CD300A: variants seen among roughly 807,000 people sequenced by gnomAD.
The protein encoded by CD300A is CMRF35-like molecule 8.
In CD300A, 22 loss-of-function variants were observed where a neutral mutation model predicts 33.6. That is an observed-to-expected ratio of 0.66 (90% CI 0.47 to 0.94). The LOEUF (loss-of-function observed/expected upper bound fraction) is 0.94, where lower values mean the gene tolerates loss of function less well. Ranked by LOEUF, CD300A falls within the 40% of genes least tolerant of loss-of-function variation. The probability of loss-of-function intolerance (pLI) is 0.00; values close to 1 mark genes in which losing one functional copy is unlikely to be tolerated. For missense variants in CD300A, 326 were observed against 360.5 expected, an observed-to-expected ratio of 0.90 and a Z score of 0.77; for synonymous variants, 136 against 148.1, an observed-to-expected ratio of 0.92 and a Z score of 0.59.
chr17:74,476,307 G>A (rs1906457017), intron 3 of CD300A, among the ~76,000 whole-genome samples: 1 of 152,174 alleles, frequency 6.6e-6, no homozygotes, highest in East Asian at 1.9e-4. Flanking sequence ...AGGATTTAGA[G>A]CCTCCCTCCT....
intron 1 of CD300A, chr17:74,470,019 G>A (rs1905990475): frequency 1.0e-6 from 1 of 985,204 alleles, no homozygotes; most frequent in Admixed American, 6.2e-5. Context: ...TCTTGAGTTG[G>A]ACAATTCAGT....
rs1275583676 is a variant in CD300A at position 74,484,191 on chromosome 17, A to T, written c.*65A>T. 12 of 1,568,142 alleles carry T rather than the reference A, an allele frequency of 7.7e-6. No individual in the cohort carries two copies. The highest frequency in any genetic ancestry group is 9.6e-6 in the Non-Finnish European group (11 of 1,146,402). ...CAGGAAGTCCAGGGACAGCTCCCTT[A>T]TACCTGGCCCACGTCCTTCTCAGCC... On this transcript the variant is annotated 3_prime_UTR_variant, in exon 7 of 7. Coordinates refer to ENST00000360141, the MANE Select transcript of CD300A (RefSeq NM_007261.4).
At chr17:74,475,070 T>C (rs777285103) in intron 3 of CD300A, among the ~76,000 whole-genome samples, 5 of 152,062 alleles carry the variant, frequency 3.3e-5, no homozygotes, top group Non-Finnish European at 7.4e-5. Flanking sequence ...TAAATTATAA[T>C]GAGAAAGAGG....
chr17:74,467,700 T>C (rs1398593478), intron 1 of CD300A, among the ~76,000 whole-genome samples: 1 of 152,208 alleles, frequency 6.6e-6, no homozygotes, highest in East Asian at 1.9e-4. Flanking sequence ...TACTTGTCTG[T>C]GGGAAGGTTA....
chr17:74,476,079 A>T (rs963866192), intron 3 of CD300A, among the ~76,000 whole-genome samples: 3 of 152,182 alleles, frequency 2.0e-5, no homozygotes, highest in Admixed American at 6.5e-5. Context: ...TTTGGTGTCC[A>T]GAGTTTTTAT....
At chr17:74,470,062 G>A in intron 1 of CD300A, 1 of 985,358 alleles carries the variant, frequency 1.0e-6, no homozygotes, top group Non-Finnish European at 1.2e-6. Flanking sequence ...TCAAGATTCT[G>A]TGATCTTCAA....
intron 1 of CD300A, chr17:74,469,800 G>C: frequency 3.7e-6 from 1 of 269,586 alleles, no homozygotes; most frequent in Non-Finnish European, 5.7e-6. Context: ...GCTCTGGCCT[G>C]GGCGACAAGA....
intron 6 of CD300A, among the ~76,000 whole-genome samples, chr17:74,482,741 C>T (rs556915983): frequency 5.1e-5 from 7 of 136,678 alleles, no homozygotes; most frequent in Non-Finnish European, 9.1e-5. Flanking sequence ...TTTGGAATCT[C>T]GCTCTATCCC....
At chr17:74,467,076 G>C in intron 1 of CD300A, 1 of 1,064,372 alleles carries the variant, frequency 9.4e-7, no homozygotes, top group Non-Finnish European at 1.2e-6. Flanking sequence ...GTCAGGGTGG[G>C]TGGAGAGTGG....
Position 74,484,188 on chromosome 17 carries a change from C to T in CD300A, c.*62C>T, listed in dbSNP as rs1196679596. 8 of 1,577,000 alleles carry T rather than the reference C, an allele frequency of 5.1e-6. No individual in the cohort carries two copies. The East Asian group carries it at 1.4e-4, about 27-fold the overall frequency. On this transcript the variant is annotated 3_prime_UTR_variant, in exon 7 of 7. Transcript: ENST00000360141. ...CCCCAGGAAGTCCAGGGACAGCTCC[C>T]TTATACCTGGCCCACGTCCTTCTCA... is the stretch of plus-strand genomic sequence containing the variant.
chr17:74,469,718 G>A (rs559997590), intron 1 of CD300A, among the ~76,000 whole-genome samples: 5 of 152,142 alleles, frequency 3.3e-5, no homozygotes, highest in South Asian at 2.1e-4. Flanking sequence ...CCAGCCACTC[G>A]GGAGGCTGAG....
chr17:74,483,175 C>T (rs1907026291), intron 6 of CD300A, among the ~76,000 whole-genome samples: 1 of 152,026 alleles, frequency 6.6e-6, no homozygotes, highest in Non-Finnish European at 1.5e-5. Flanking sequence ...TACTCTTCTC[C>T]CAGCCCCCTT....
intron 3 of CD300A, 65 bp from the exon 4 acceptor site, chr17:74,477,371 A>G (rs1015458101): frequency 1.1e-5 from 12 of 1,083,394 alleles, no homozygotes; most frequent in African/African-American, 3.2e-5. Context: ...ATAAAAAATA[A>G]AAATAAAAAA....
intron 1 of CD300A, among the ~76,000 whole-genome samples, chr17:74,472,057 A>G (rs1416524592): frequency 6.6e-6 from 1 of 152,090 alleles, no homozygotes; most frequent in Non-Finnish European, 1.5e-5. Context: ...CCAGGCCAAC[A>G]TGGTGAAACC....
intron 5 of CD300A, 157 bp downstream of exon 5, chr17:74,481,483 CT>C (rs1598109001): frequency 2.8e-6 from 2 of 723,744 alleles, no homozygotes; most frequent in African/African-American, 1.8e-5. Context: ...GTCACTAGGT[CT>C]TGTTCTGAGT....
chr17:74,478,249 C>A (rs962252653), intron 4 of CD300A, among the ~76,000 whole-genome samples: 1 of 152,210 alleles, frequency 6.6e-6, no homozygotes, highest in Non-Finnish European at 1.5e-5. Flanking sequence ...TGGCTTGGGG[C>A]CCCTCCTGGC....
Position 74,467,303 on chromosome 17 carries a change from C to CA in CD300A, c.40+561dup, listed in dbSNP as rs544715197. 2.6e-5 allele frequency among the ~76,000 whole-genome samples: 4 copies of CA among 152,166 alleles called. No individual in the cohort carries two copies. The South Asian group carries it at 8.3e-4, about 32-fold the overall frequency. On this transcript the variant is annotated intron_variant, in intron 1 of 6. Transcript: ENST00000360141. ...ATGCGGAGATTTAACCAGGGCAGCCCAGCGGCTGGGGCCTGAGCAGGGGGA... is the reference window on the plus strand; with the variant it reads ...ATGCGGAGATTTAACCAGGGCAGCCCAAGCGGCTGGGGCCTGAGCAGGGGGA...
chr17:74,474,674 G>A lies in CD300A; in HGVS notation c.522G>A (p.Val174=). ...GCATCCAGGAGGAAACTGAGGAGGT[G>A]GTGAACTCACAGTAAGCACCCTAGC... is the stretch of plus-strand genomic sequence containing the variant. ...SASIQEETEE[V]VNSQLPLLLS... The change falls in exon 3 of 7, where the codon GTG becomes GTA. Residue 174 remains valine (V), a synonymous_variant. Transcript: ENST00000360141. The A allele has an allele frequency of 6.2e-7, 1 of 1,614,124 alleles. No individual in the cohort carries two copies.
chr17:74,479,480 C>T (rs1354419289), intron 4 of CD300A, among the ~76,000 whole-genome samples: 2 of 152,034 alleles, frequency 1.3e-5, no homozygotes, highest in Non-Finnish European at 2.9e-5. Flanking sequence ...AACTCCTGAG[C>T]TCAAGCCCAG....
Sources: allele counts gnomAD v4.1 joint callset (sites outside exome capture counted in the v4.1 genomes callset), GRCh38; gene constraint gnomAD v4.1.1; transcripts MANE v1.5; gene names NCBI Gene and HGNC (gene_info 2026-07-23, HGNC 2026-07-21).